The following MERTK variants were observed in gnomAD, a reference collection of about 807,000 sequenced individuals.
MERTK encodes MER proto-oncogene, tyrosine kinase, also known as tyrosine-protein kinase Mer.
MERTK carries 69 observed loss-of-function variants against 99.3 expected under a neutral mutation model. The observed-to-expected ratio is 0.70, with a 90% confidence interval of 0.57 to 0.85. MERTK has a LOEUF of 0.85. MERTK is among the 40% of genes least tolerant of loss of function. The pLI, the probability that MERTK is intolerant of heterozygous loss-of-function variation, is 0.00. For synonymous variants in MERTK, 426 were observed against 467.6 expected (o/e 0.91, Z 1.15); for missense variants, 1,125 against 1,249.4 (o/e 0.90, Z 1.50).
chr2:111,981,121 T>C (rs926226478), intron 7 of MERTK, among the ~76,000 whole-genome samples: 1 of 152,214 alleles, frequency 6.6e-6, no homozygotes, highest in South Asian at 2.1e-4. Flanking sequence ...TCATGATTAC[T>C]GTTTCTGGAA....
chr2:111,947,619 C>G (rs1217166237), intron 4 of MERTK, 52 bp downstream of exon 4: 1 of 1,606,640 alleles, frequency 6.2e-7, no homozygotes, highest in African/African-American at 1.3e-5. Context: ...CGGACAGGAT[C>G]AAAAGTTTGG....
chr2:111,966,795 C>G (rs1031627845), intron 5 of MERTK, among the ~76,000 whole-genome samples: 2 of 152,158 alleles, frequency 1.3e-5, no homozygotes, highest in Non-Finnish European at 2.9e-5. Flanking sequence ...TTATTCTTCC[C>G]CATTCCCAAG....
chr2:111,926,547 T>A (rs1015357635), intron 1 of MERTK, among the ~76,000 whole-genome samples: 2 of 152,132 alleles, frequency 1.3e-5, no homozygotes, highest in South Asian at 2.1e-4. Flanking sequence ...GCTAACATGG[T>A]GAAACCCCGT....
chr2:111,969,560 G>T (rs1040815874), intron 6 of MERTK, among the ~76,000 whole-genome samples: 3 of 152,042 alleles, frequency 2.0e-5, no homozygotes. Context: ...GTTTTTACTC[G>T]CTAGTCAAAT....
intron 1 of MERTK, among the ~76,000 whole-genome samples, chr2:111,905,124 C>G (rs1432114618): frequency 1.3e-5 from 2 of 152,230 alleles, no homozygotes; most frequent in African/African-American, 4.8e-5. Context: ...CACTTCCTCC[C>G]TCCTAGGCCT....
intron 6 of MERTK, among the ~76,000 whole-genome samples, chr2:111,974,769 CAA>C (rs35594851): frequency 1.9e-4 from 10 of 53,378 alleles, no homozygotes; most frequent in Middle Eastern, 0.018. Flanking sequence ...AGGTCCATCT[CAA>C]AAAAAAAAAA....
chr2:111,966,234 G>C (rs748270638), intron 5 of MERTK, among the ~76,000 whole-genome samples: 1 of 152,154 alleles, frequency 6.6e-6, no homozygotes, highest in Admixed American at 6.5e-5. Flanking sequence ...TGAATTAAAG[G>C]TTGGGTACAT....
intron 16 of MERTK, among the ~76,000 whole-genome samples, chr2:112,019,723 T>A (rs893761950): frequency 2.0e-5 from 3 of 152,200 alleles, no homozygotes; most frequent in African/African-American, 7.2e-5. Context: ...CTGGTTGGCT[T>A]CCAAAGCTTT....
chr2:111,929,539 A>G lies in MERTK; in HGVS notation c.481A>G (p.Ser161Gly), dbSNP rs374645167. 2.5e-6 allele frequency: 4 copies of G among 1,588,572 alleles called. No individual in the cohort carries two copies. In the African/African-American group the frequency reaches 5.5e-5, roughly 22 times the overall value. ...DEVTAIIASF[S>G]ITSVQRSDNG... ...AGTTACAGCAATAATCGCTTCCTTC[A>G]GGTATGTGTTCTTTCTTCCTTTTTT... is the stretch of plus-strand genomic sequence containing the variant. Residue 161 changes from serine (S) to glycine (G), a missense_variant and splice_region_variant, in exon 2 of 19, where the codon AGC (serine) becomes GGC (glycine). By Grantham distance (56) the Ser-to-Gly change is moderately conservative. Coordinates refer to ENST00000295408, the MANE Select transcript of MERTK (RefSeq NM_006343.3).
chr2:111,983,416 A>G (rs1327231950), intron 8 of MERTK, among the ~76,000 whole-genome samples: 2 of 152,228 alleles, frequency 1.3e-5, no homozygotes, highest in Non-Finnish European at 1.5e-5. Flanking sequence ...TTTGCAAAAG[A>G]AGAAGATAAG....
chr2:111,907,143 G>A (rs879719172), intron 1 of MERTK, among the ~76,000 whole-genome samples: 2 of 152,152 alleles, frequency 1.3e-5, no homozygotes, highest in African/African-American at 2.4e-5. Flanking sequence ...AGCCAGGTGC[G>A]GTGGCTCACG....
At chr2:112,011,518 G>A (rs768759895) in intron 15 of MERTK, among the ~76,000 whole-genome samples, 39 of 152,316 alleles carry the variant, frequency 2.6e-4, no homozygotes, top group Middle Eastern at 3.4e-3. Context: ...TTGGGAGGCT[G>A]AGGCGGGGGA....
At position 111,925,292 on chromosome 2, in the gene MERTK, A is replaced by ATAT. The variant is rs372747015; in HGVS notation, c.62-3827_62-3826insATT. Among the ~76,000 whole-genome samples, 203 of 24,526 alleles carry ATAT rather than the reference A, an allele frequency of 8.3e-3. 5 individuals carry two copies. Among genetic ancestry groups the ATAT allele is most frequent in the Admixed American group, 0.019 (23 of 1,220 alleles). The allele number at this position is 24,526 out of a possible 152,430, so 16.1% of individuals were successfully genotyped here. On this transcript the variant is annotated intron_variant, in intron 1 of 18. Transcript: ENST00000295408. ...ACAGATCAGATATATATATATATATATTTTTTTTTTTTTTTTTTTTTTTTT... is the reference window on the plus strand; with the variant it reads ...ACAGATCAGATATATATATATATATATATTTTTTTTTTTTTTTTTTTTTTTTTT...
At chr2:111,961,847 T>C (rs1039552444) in intron 4 of MERTK, among the ~76,000 whole-genome samples, 6 of 152,214 alleles carry the variant, frequency 3.9e-5, no homozygotes, top group African/African-American at 1.4e-4. Flanking sequence ...CTCTCTGCCA[T>C]GTAGTGACCA....
Position 111,947,450 on chromosome 2 carries a change from T to G in MERTK, c.640T>G (p.Phe214Val), listed in dbSNP as rs1475870132. 2 of 1,614,174 alleles carry G rather than the reference T, an allele frequency of 1.2e-6. No individual in the cohort carries two copies. The highest frequency in any genetic ancestry group is 4.5e-5 in the East Asian group (2 of 44,874). Residue 214 changes from phenylalanine to valine, a missense_variant, in exon 4 of 19, where the codon TTC (phenylalanine) becomes GTC (valine). Coordinates refer to ENST00000295408, the MANE Select transcript of MERTK (RefSeq NM_006343.3). ...ESMNVTRNTA[F>V]NLTCQAVGPP... is the part of the protein sequence containing the mutation. ...CATGAATGTCACCAGAAACACAGCC[T>G]TCAACCTCACCTGTCAGGCTGTGGG...
At chr2:111,989,125 C>T (rs1676555121) in intron 8 of MERTK, among the ~76,000 whole-genome samples, 1 of 152,110 alleles carries the variant, frequency 6.6e-6, no homozygotes, top group South Asian at 2.1e-4. Context: ...CCCTGGCTTT[C>T]TTCATAATAC....
intron 14 of MERTK, among the ~76,000 whole-genome samples, chr2:112,009,634 A>G (rs1285646420): frequency 6.6e-6 from 1 of 152,196 alleles, no homozygotes; most frequent in African/African-American, 2.4e-5. Flanking sequence ...CTTATCTGAA[A>G]CAAAAATCTT....
At chr2:111,997,085 A>G (rs1163220171) in intron 9 of MERTK, 6 of 657,400 alleles carry the variant, frequency 9.1e-6, no homozygotes, top group Non-Finnish European at 1.7e-5. Context: ...TGTGGAGTAC[A>G]GTGTGACATT....
intron 2 of MERTK, among the ~76,000 whole-genome samples, chr2:111,939,654 A>ATTTTTTTTT (rs1184269274): frequency 1.0e-4 from 9 of 88,262 alleles, no homozygotes; most frequent in South Asian, 4.1e-4. Flanking sequence ...CTAATTTTTA[A>ATTTTTTTTT]TTTTTTTTTT....
Sources: gnomAD v4.1 joint callset for allele counts (sites outside exome capture counted in the v4.1 genomes callset) on GRCh38, gnomAD v4.1.1 for gene constraint, MANE v1.5 for transcripts, NCBI Gene and HGNC (gene_info 2026-07-23, HGNC 2026-07-21) for gene names.